PRDM11: variants seen among roughly 807,000 people sequenced by gnomAD.
PRDM11 encodes PR domain-containing protein 11.
In PRDM11, 20 loss-of-function variants were observed where a neutral mutation model predicts 97.8. The observed-to-expected ratio is 0.20, with a 90% CI of 0.14 to 0.30. The LOEUF is 0.30. PRDM11 is among the 10% of genes least tolerant of loss of function. The pLI is 1.00. For missense variants in PRDM11, 1,139 were observed against 1,555.2 expected, an observed-to-expected ratio of 0.73 and a Z score of 4.50; for synonymous variants, 599 against 637.7, an observed-to-expected ratio of 0.94 and a Z score of 0.91.
At chr11:45,123,998 G>T (rs1347255240) in intron 1 of PRDM11, among the ~76,000 whole-genome samples, 104 of 147,754 alleles carry the variant, frequency 7.0e-4, no homozygotes, top group African/African-American at 2.5e-3. Flanking sequence ...TCTTCCATTT[G>T]TTTGTATCCT....
chr11:45,199,905 C>T (rs936238805), intron 4 of PRDM11, among the ~76,000 whole-genome samples: 6 of 152,216 alleles, frequency 3.9e-5, no homozygotes, highest in Admixed American at 1.3e-4. Context: ...AGAAAAGGTC[C>T]TCAGTAGATT....
chr11:45,139,194 C>T (rs574216134), intron 1 of PRDM11, among the ~76,000 whole-genome samples: 3 of 152,176 alleles, frequency 2.0e-5, no homozygotes, highest in Non-Finnish European at 4.4e-5. Flanking sequence ...GTCGGGGAAA[C>T]AAGCAGGCTC....
At chr11:45,204,579 G>A in intron 4 of PRDM11, 132 bp from the exon 5 acceptor site, 1 of 776,998 alleles carries the variant, frequency 1.3e-6, no homozygotes, top group South Asian at 1.5e-5. Context: ...CAGTTCTGTA[G>A]CAGTGGTGAC....
rs192856609 is a variant in PRDM11, at chr11:45,198,069, C to T, written c.487-6642C>T. 8.1e-4 allele frequency among the ~76,000 whole-genome samples: 123 copies of T among 152,206 alleles called. No individual in the cohort carries two copies. The South Asian group carries it at 0.016, about 20-fold the overall frequency. On this transcript the variant is annotated intron_variant, in intron 4 of 7. Coordinates refer to ENST00000683152, the MANE Select transcript of PRDM11 (RefSeq NM_001384648.1). ...GATTAATAAAAGGAAGTTCTCATTT[C>T]CTTATCAGTTAAATTAGGGCAGATG...
chr11:45,185,435 C>T (rs547044984), intron 4 of PRDM11, among the ~76,000 whole-genome samples: 1 of 152,060 alleles, frequency 6.6e-6, no homozygotes, highest in African/African-American at 2.4e-5. Flanking sequence ...TAGTCATTTC[C>T]TAGAAGTTTG....
At chr11:45,152,123 A>C (rs1159783195) in intron 1 of PRDM11, among the ~76,000 whole-genome samples, 1 of 152,162 alleles carries the variant, frequency 6.6e-6, no homozygotes, top group East Asian at 1.9e-4. Flanking sequence ...GCTAGAATGC[A>C]GTTGCATGAT....
At chr11:45,112,113 C>G (rs1266954002) in intron 1 of PRDM11, among the ~76,000 whole-genome samples, 1 of 152,158 alleles carries the variant, frequency 6.6e-6, no homozygotes, top group African/African-American at 2.4e-5. Context: ...CCTTCCCCCA[C>G]AAGTCCCCAA....
Position 45,137,605 on chromosome 11 carries a change from G to A in PRDM11, c.96+41704G>A, listed in dbSNP as rs915028038. 3.9e-5 allele frequency among the ~76,000 whole-genome samples: 6 copies of A among 152,088 alleles called. No homozygotes were observed. The South Asian group carries it at 6.2e-4, about 16-fold the overall frequency. Reference sequence around the variant, plus strand: ...CTCTCTACAAAAAATAAAATTAGCCGGGCATGGTGGCGTGCATCTGTAGCC... The same window carrying A: ...CTCTCTACAAAAAATAAAATTAGCCAGGCATGGTGGCGTGCATCTGTAGCC... On this transcript the variant is annotated intron_variant, in intron 1 of 6. Coordinates refer to the PRDM11 transcript ENST00000530656.
At chr11:45,209,349 A>G in intron 5 of PRDM11, 1 of 337,814 alleles carries the variant, frequency 3.0e-6, no homozygotes. Flanking sequence ...CCCCCAGCTT[A>G]CAGTCCACAG....
intron 1 of PRDM11, among the ~76,000 whole-genome samples, chr11:45,179,738 T>C (rs1852420623): frequency 6.6e-6 from 1 of 152,202 alleles, no homozygotes; most frequent in Non-Finnish European, 1.5e-5. Context: ...ACAGATACTC[T>C]GGGGCTGAGG....
At chr11:45,132,501 A>G (rs76752580) in intron 1 of PRDM11, among the ~76,000 whole-genome samples, 1 of 152,260 alleles carries the variant, frequency 6.6e-6, no homozygotes, top group African/African-American at 2.4e-5. Context: ...TATTTTTAAA[A>G]CAATAATTTA....
chr11:45,146,681 G>A lies in PRDM11; in HGVS notation c.-203G>A, dbSNP rs373991513. 7.2e-5 allele frequency: 11 copies of A among 151,902 alleles called. No homozygotes were observed. The East Asian group carries it at 7.8e-4, about 11-fold the overall frequency. The allele number at this position is 151,902 out of a possible 1,614,324, so 9.4% of individuals were successfully genotyped here. Reference sequence around the variant, plus strand: ...TAAGATGGTGGTCAAAGCAGGGGAGGAGAGCAGCAGCGAGTCGCCGCCGCC... The same window carrying A: ...TAAGATGGTGGTCAAAGCAGGGGAGAAGAGCAGCAGCGAGTCGCCGCCGCC... On this transcript the variant is annotated 5_prime_UTR_variant, in exon 1 of 8. Transcript: ENST00000683152.
At position 45,232,405 on chromosome 11, in the gene PRDM11, G is replaced by C. The variant is rs905572270; in HGVS notation, c.*4246G>C. On this transcript the variant is annotated 3_prime_UTR_variant, in exon 8 of 8. Coordinates refer to ENST00000683152, the MANE Select transcript of PRDM11 (RefSeq NM_001384648.1). ...GAGTTCTAGACCTAGGTCTGCTTTT[G>C]GCTTTCAGTCTGGGTTGATTTCCAA... 1 of 152,390 alleles carries C rather than the reference G, an allele frequency of 6.6e-6. No individual in the cohort carries two copies. Among genetic ancestry groups the C allele is most frequent in the Non-Finnish European group, 1.5e-5 (1 of 68,084 alleles). 9.4% of individuals were successfully genotyped at this position (152,390 alleles called of 1,614,324 possible). A position where few individuals can be genotyped will look rare whatever the true frequency, so the allele number is the denominator to read the frequency against.
intron 1 of PRDM11, among the ~76,000 whole-genome samples, chr11:45,135,883 G>A (rs888768336): frequency 3.3e-5 from 5 of 152,106 alleles, no homozygotes; most frequent in Admixed American, 6.5e-5. Flanking sequence ...TGCCCAGGAC[G>A]CCTCAAAAAT....
At chr11:45,130,085 GA>G (rs954347180) in intron 1 of PRDM11, among the ~76,000 whole-genome samples, 2 of 151,964 alleles carry the variant, frequency 1.3e-5, no homozygotes, top group Non-Finnish European at 2.9e-5. Context: ...ATTCATATGG[GA>G]AAAAAATGAA....
intron 4 of PRDM11, among the ~76,000 whole-genome samples, chr11:45,195,666 C>T (rs1052673800): frequency 2.0e-5 from 3 of 151,964 alleles, no homozygotes; most frequent in African/African-American, 7.3e-5. Context: ...CTCTGTCTCC[C>T]AGGTTCAAGT....
intron 1 of PRDM11, among the ~76,000 whole-genome samples, chr11:45,105,576 GC>G (rs1324375487): frequency 6.6e-6 from 1 of 152,208 alleles, no homozygotes; most frequent in Non-Finnish European, 1.5e-5. Flanking sequence ...TGACTCTGCA[GC>G]CCCTCCCTCC....
intron 1 of PRDM11, among the ~76,000 whole-genome samples, chr11:45,153,846 C>T (rs1490607579): frequency 6.6e-6 from 1 of 152,152 alleles, no homozygotes; most frequent in African/African-American, 2.4e-5. Flanking sequence ...TATGGAGCAC[C>T]AGGACACTGA....
chr11:45,203,699 C>T (rs1024353378), intron 4 of PRDM11, among the ~76,000 whole-genome samples: 3 of 150,798 alleles, frequency 2.0e-5, no homozygotes, highest in African/African-American at 7.3e-5. Flanking sequence ...TGACTCACTG[C>T]AAGCTCCGCC....
Sources: allele counts gnomAD v4.1 joint callset (sites outside exome capture counted in the v4.1 genomes callset), GRCh38; gene constraint gnomAD v4.1.1; transcripts MANE v1.5; gene names NCBI Gene and HGNC (gene_info 2026-07-23, HGNC 2026-07-21).